The following PTGER4 variants were observed in gnomAD, a reference collection of about 807,000 sequenced individuals.
PTGER4 encodes prostaglandin E receptor 4, also known as prostaglandin E2 receptor EP4 subtype.
Under a neutral mutation model 33.2 loss-of-function variants are expected in PTGER4, and 11 were observed. The ratio of observed to expected loss-of-function variants is 0.33; its 90% CI spans 0.21 to 0.55. PTGER4 has a LOEUF of 0.55. Among genes scored for constraint, PTGER4 ranks in the 20% least tolerant of loss-of-function variants. PTGER4 has a pLI of 0.92. For synonymous variants in PTGER4, 275 were observed against 281.5 expected (o/e 0.98, Z 0.23); for missense variants, 481 against 650.2 (o/e 0.74, Z 2.83).
At chr5:40,689,887 G>A (rs1741426124) in intron 2 of PTGER4, among the ~76,000 whole-genome samples, 1 of 151,854 alleles carries the variant, frequency 6.6e-6, no homozygotes, top group Admixed American at 6.6e-5. Context: ...TAAGATATAT[G>A]GCAATTATTT....
chr5:40,708,546 T>C, the PTGER4 span, among the ~76,000 whole-genome samples: 3 of 152,090 alleles, frequency 2.0e-5, no homozygotes, highest in Non-Finnish European at 2.9e-5. Context: ...ATTAATAGCT[T>C]ACCAACCAAA....
chr5:40,681,201 T>G lies in PTGER4; in HGVS notation c.208T>G (p.Leu70Val), dbSNP rs202086800. 1.9e-6 allele frequency: 3 copies of G among 1,614,030 alleles called. No individual in the cohort carries two copies. Among genetic ancestry groups the G allele is most frequent in the Non-Finnish European group, 2.5e-6 (3 of 1,180,050 alleles). ...GGCTGTCACCGACCTGTTGGGCACTTTGTTGGTGAGCCCGGTGACCATCGC... is the reference window on the plus strand; with the variant it reads ...GGCTGTCACCGACCTGTTGGGCACTGTGTTGGTGAGCCCGGTGACCATCGC... ...GLAVTDLLGT[L>V]LVSPVTIATY... Residue 70 changes from leucine to valine, a missense_variant, in exon 2 of 3, where the codon TTG becomes GTG. Coordinates refer to ENST00000302472, the MANE Select transcript of PTGER4 (RefSeq NM_000958.3). This position sits in a 1 kb window ranked among gnomAD's most constrained non-coding sequence, Gnocchi z 9.8.
At chr5:40,702,727 C>T in the PTGER4 span, among the ~76,000 whole-genome samples, 1 of 152,252 alleles carries the variant, frequency 6.6e-6, no homozygotes, top group Non-Finnish European at 1.5e-5. Flanking sequence ...CTCATCGCCA[C>T]ATGGCACATA....
chr5:40,687,408 G>C (rs530668003), intron 2 of PTGER4, among the ~76,000 whole-genome samples: 6 of 152,272 alleles, frequency 3.9e-5, no homozygotes, highest in African/African-American at 1.2e-4. Flanking sequence ...ACTGAAAACT[G>C]CCTGAACTTG....
At chr5:40,732,632 C>T in the PTGER4 span, among the ~76,000 whole-genome samples, 1 of 151,854 alleles carries the variant, frequency 6.6e-6, no homozygotes, top group African/African-American at 2.4e-5. Context: ...GACAGTCTTG[C>T]TCTGTCACCC....
the PTGER4 span, among the ~76,000 whole-genome samples, chr5:40,704,412 C>A: frequency 6.6e-6 from 1 of 152,206 alleles, no homozygotes; most frequent in South Asian, 2.1e-4. Context: ...GCATTCCCCT[C>A]GAAAACTGGC....
Position 40,692,105 on chromosome 5 carries a change from C to T in PTGER4, c.1194C>T (p.Asp398=), listed in dbSNP as rs1210294448. 1 of 1,614,096 alleles carries T rather than the reference C, an allele frequency of 6.2e-7. No homozygotes were observed. Among genetic ancestry groups the T allele is most frequent in the African/African-American group, 1.3e-5 (1 of 74,950 alleles). The change falls in exon 3 of 3, where the codon GAC becomes GAT. Residue 398 remains aspartate, a synonymous_variant. Transcript: ENST00000302472. ...GTACATCTCAGACCCTCCTGCCAGA[C>T]CTCTCACTGCCAGACCTCAGTGAAA... ...ISSTSQTLLP[D]LSLPDLSENG...
chr5:40,681,923 C>A lies in PTGER4; in HGVS notation c.867+63C>A. 1 of 1,461,698 alleles carries A rather than the reference C, an allele frequency of 6.8e-7. No homozygotes were observed. Among genetic ancestry groups the A allele is most frequent in the Non-Finnish European group, 9.0e-7 (1 of 1,106,892 alleles). 90.5% of individuals were successfully genotyped at this position (1,461,698 alleles called of 1,614,324 possible). On this transcript the variant is annotated intron_variant, in intron 2 of 2. Transcript: ENST00000302472. This position sits in a 1 kb window ranked among gnomAD's most constrained non-coding sequence, Gnocchi z 9.8. ...CTCGCATCCACCTCCCGCGTCCATT[C>A]CCCGCTCCCTGCTTTCCCTCTGAGT...
chr5:40,728,558 A>G, the PTGER4 span: 3 of 1,340,874 alleles, frequency 2.2e-6, no homozygotes, highest in African/African-American at 4.4e-5. Context: ...TCATTTTTTA[A>G]GATATATTTT....
Position 40,680,973 on chromosome 5 carries a change from T to A in PTGER4, c.-21T>A. On this transcript the variant is annotated 5_prime_UTR_variant, in exon 2 of 3. Coordinates refer to ENST00000302472, the MANE Select transcript of PTGER4 (RefSeq NM_000958.3). This position sits in a 1 kb window ranked among gnomAD's most constrained non-coding sequence, Gnocchi z 5.5. ...CAGACCCAGCCTTGCACTCCAAGGCTGCGCACCGCCAGCCACTATCATGTC... is the reference window on the plus strand; with the variant it reads ...CAGACCCAGCCTTGCACTCCAAGGCAGCGCACCGCCAGCCACTATCATGTC... 1 of 1,589,738 alleles carries A rather than the reference T, an allele frequency of 6.3e-7. No homozygotes were observed. The highest frequency in any genetic ancestry group is 8.6e-7 in the Non-Finnish European group (1 of 1,167,492).
chr5:40,704,449 A>G, the PTGER4 span, among the ~76,000 whole-genome samples: 3 of 152,162 alleles, frequency 2.0e-5, no homozygotes, highest in East Asian at 5.8e-4. Context: ...CTCTCTCACC[A>G]CTTTTATTCA....
the PTGER4 span, chr5:40,728,281 CA>C: frequency 1.5e-3 from 477 of 317,696 alleles, no homozygotes; most frequent in African/African-American, 0.015. Context: ...GACTCCATCT[CA>C]AAAAAAAAAA....
chr5:40,717,640 C>T, the PTGER4 span, among the ~76,000 whole-genome samples: 370 of 152,328 alleles, frequency 2.4e-3, no homozygotes, highest in African/African-American at 8.6e-3. Flanking sequence ...CTAGACATGG[C>T]AAATGTTCTC....
At chr5:40,729,234 A>C in the PTGER4 span, among the ~76,000 whole-genome samples, 1 of 152,216 alleles carries the variant, frequency 6.6e-6, no homozygotes, top group Non-Finnish European at 1.5e-5. Context: ...GATTCAGATG[A>C]CATAATTTAT....
the PTGER4 span, among the ~76,000 whole-genome samples, chr5:40,705,935 A>T: frequency 6.6e-6 from 1 of 152,290 alleles, no homozygotes; most frequent in South Asian, 2.1e-4. Context: ...CAAAGAACTA[A>T]AAGCAGAACT....
At chr5:40,746,791 T>A in the PTGER4 span, 1 of 1,606,218 alleles carries the variant, frequency 6.2e-7, no homozygotes, top group Non-Finnish European at 8.5e-7. Context: ...AAACTTTAAA[T>A]ACATACCTTT....
Position 40,681,959 on chromosome 5 carries a change from G to A in PTGER4, c.867+99G>A. 1 of 1,378,640 alleles carries A rather than the reference G, an allele frequency of 7.3e-7. No homozygotes were observed. Among genetic ancestry groups the A allele is most frequent in the Non-Finnish European group, 9.6e-7 (1 of 1,044,858 alleles). 85.4% of individuals were successfully genotyped at this position (1,378,640 alleles called of 1,614,324 possible). A position where few individuals can be genotyped will look rare whatever the true frequency, so the allele number is the denominator to read the frequency against. On this transcript the variant is annotated intron_variant, in intron 2 of 2. Transcript: ENST00000302472. This position sits in a 1 kb window ranked among gnomAD's most constrained non-coding sequence, Gnocchi z 9.8. The stretch of plus-strand genomic sequence containing the variant: ...GCTTTCCCTCTGAGTCCTTGGCAGT[G>A]AACGTGTCGCCTTTAGGTCGGGGCT...
the PTGER4 span, among the ~76,000 whole-genome samples, chr5:40,700,601 G>A: frequency 6.6e-6 from 1 of 152,178 alleles, no homozygotes; most frequent in Non-Finnish European, 1.5e-5. Flanking sequence ...TCTCTGGGGT[G>A]GAGCCCTCAG....
chr5:40,713,553 T>C, the PTGER4 span, among the ~76,000 whole-genome samples: 67 of 152,286 alleles, frequency 4.4e-4, no homozygotes, highest in East Asian at 9.2e-3. Context: ...TCAATGTTTA[T>C]GTAGTGTCTG....
Sources: gnomAD v4.1 joint callset for allele counts (sites outside exome capture counted in the v4.1 genomes callset) on GRCh38, gnomAD v4.1.1 for gene constraint, Gnocchi (gnomAD v3.1) non-coding constraint, MANE v1.5 for transcripts, NCBI Gene and HGNC (gene_info 2026-07-23, HGNC 2026-07-21) for gene names.